The following RBL1 variants were observed in gnomAD, a reference collection of about 807,000 sequenced individuals.
RBL1 encodes the protein retinoblastoma-like protein 1.
RBL1 carries 82 observed loss-of-function variants against 123.0 expected under a neutral mutation model. The observed-to-expected ratio is 0.67, with a 90% CI of 0.56 to 0.80. The LOEUF (loss-of-function observed/expected upper bound fraction) is 0.80, where lower values mean the gene tolerates loss of function less well. RBL1 is among the 30% of genes least tolerant of loss of function. The probability of loss-of-function intolerance (pLI) is 0.00; values close to 1 mark genes in which losing one functional copy is unlikely to be tolerated. For synonymous variants in RBL1, 405 were observed against 441.3 expected (o/e 0.92, Z 1.03); for missense variants, 1,171 against 1,299.6 (o/e 0.90, Z 1.52).
At chr20:37,018,989 C>T (rs762258034) in intron 18 of RBL1, among the ~76,000 whole-genome samples, 6 of 152,036 alleles carry the variant, frequency 3.9e-5, no homozygotes, top group Non-Finnish European at 7.4e-5. Flanking sequence ...AAACAAAAGA[C>T]CTGAATTAAT....
At chr20:37,014,921 G>C (rs2064225456) in intron 19 of RBL1, among the ~76,000 whole-genome samples, 1 of 151,878 alleles carries the variant, frequency 6.6e-6, no homozygotes. Flanking sequence ...AAATTAGCTG[G>C]GCCTGGTGGC....
At chr20:37,004,795 AG>A (rs1291326743) in intron 20 of RBL1, among the ~76,000 whole-genome samples, 3 of 151,334 alleles carry the variant, frequency 2.0e-5, no homozygotes, top group African/African-American at 7.3e-5. Context: ...TGGGAGGCCA[AG>A]GTGCTCGGAT....
At chr20:37,054,118 G>A (rs114078914) in intron 11 of RBL1, among the ~76,000 whole-genome samples, 1 of 152,152 alleles carries the variant, frequency 6.6e-6, no homozygotes, top group African/African-American at 2.4e-5. Context: ...AACCATTAGG[G>A]AAACTGGATA....
At chr20:37,069,682 C>CT (rs1353691773) in intron 2 of RBL1, among the ~76,000 whole-genome samples, 3 of 151,492 alleles carry the variant, frequency 2.0e-5, no homozygotes, top group Non-Finnish European at 4.4e-5. Flanking sequence ...CTCCGCCCGA[C>CT]AGCCACCCAG....
chr20:37,061,472 C>A (rs893757525), intron 8 of RBL1, among the ~76,000 whole-genome samples: 3 of 151,936 alleles, frequency 2.0e-5, no homozygotes, highest in African/African-American at 7.3e-5. Context: ...ATCTTCACAC[C>A]ACTGATTTGA....
At chr20:37,034,772 A>T (rs1201716539) in intron 15 of RBL1, among the ~76,000 whole-genome samples, 2 of 152,136 alleles carry the variant, frequency 1.3e-5, no homozygotes, top group Non-Finnish European at 2.9e-5. Flanking sequence ...AATAAAAAAA[A>T]AACCACTATA....
intron 19 of RBL1, among the ~76,000 whole-genome samples, chr20:37,012,439 C>CA (rs1390696853): frequency 1.4e-4 from 22 of 151,956 alleles, no homozygotes; most frequent in African/African-American, 4.8e-5. Context: ...TCCCGGCCGC[C>CA]ATCCCATCTA....
At chr20:37,087,324 A>G (rs2065564686) in intron 2 of RBL1, among the ~76,000 whole-genome samples, 1 of 150,706 alleles carries the variant, frequency 6.6e-6, no homozygotes, top group African/African-American at 2.4e-5. Context: ...ACAGAGTGAG[A>G]CTCTGTCCCA....
intron 16 of RBL1, among the ~76,000 whole-genome samples, chr20:37,031,320 C>A (rs1371526925): frequency 1.3e-5 from 2 of 151,916 alleles, no homozygotes; most frequent in Non-Finnish European, 2.9e-5. Flanking sequence ...ATCTAGAATA[C>A]ATAAAGAACT....
intron 1 of RBL1, among the ~76,000 whole-genome samples, chr20:37,089,658 T>TCA (rs1452978284): frequency 2.0e-5 from 3 of 147,864 alleles, no homozygotes; most frequent in African/African-American, 7.7e-5. Flanking sequence ...ATCCTGTCTC[T>TCA]TAAAAAAAAA....
At chr20:37,027,284 A>G (rs955884291) in intron 16 of RBL1, among the ~76,000 whole-genome samples, 17 of 152,180 alleles carry the variant, frequency 1.1e-4, no homozygotes, top group Admixed American at 2.0e-4. Flanking sequence ...GACTGCAGTG[A>G]GACATGATCG....
At chr20:37,076,896 C>A (rs1019157486) in intron 2 of RBL1, among the ~76,000 whole-genome samples, 1 of 151,974 alleles carries the variant, frequency 6.6e-6, no homozygotes, top group African/African-American at 2.4e-5. Flanking sequence ...GTCCTTTATA[C>A]CCTTTACCAA....
intron 18 of RBL1, among the ~76,000 whole-genome samples, chr20:37,018,743 G>C (rs1021085363): frequency 6.6e-6 from 1 of 152,162 alleles, no homozygotes; most frequent in Non-Finnish European, 1.5e-5. Flanking sequence ...CTTGAGGCCA[G>C]GCGTTCAAGA....
At chr20:37,083,759 C>A (rs1056047497) in intron 2 of RBL1, among the ~76,000 whole-genome samples, 1 of 149,098 alleles carries the variant, frequency 6.7e-6, no homozygotes, top group Non-Finnish European at 1.5e-5. Context: ...GAGCAGAGAC[C>A]GTGCATTGCA....
chr20:37,057,648 G>A (rs1388503415), intron 9 of RBL1, among the ~76,000 whole-genome samples: 1 of 152,044 alleles, frequency 6.6e-6, no homozygotes, highest in Non-Finnish European at 1.5e-5. Flanking sequence ...CCATTCTATA[G>A]GTTGTTTTTT....
At chr20:37,066,028 A>G (rs908265421) in intron 6 of RBL1, among the ~76,000 whole-genome samples, 2 of 152,232 alleles carry the variant, frequency 1.3e-5, no homozygotes, top group Non-Finnish European at 2.9e-5. Context: ...TGTATAAAAG[A>G]AGAAGAAACC....
intron 10 of RBL1, 128 bp downstream of exon 10, chr20:37,056,018 G>T: frequency 7.0e-7 from 1 of 1,431,026 alleles, no homozygotes; most frequent in Non-Finnish European, 9.2e-7. Context: ...TTGCACTCCA[G>T]CCTGGGCAAC....
Position 37,067,129 on chromosome 20 carries a change from A to G in RBL1, c.557-8T>C. 6.4e-7 allele frequency: 1 copy of G among 1,565,540 alleles called. No individual in the cohort carries two copies. Among genetic ancestry groups the G allele is most frequent in the Non-Finnish European group, 8.6e-7 (1 of 1,163,602 alleles). On this transcript the variant is annotated splice_region_variant and splice_polypyrimidine_tract_variant and intron_variant, in intron 4 of 21. Coordinates refer to ENST00000373664, the MANE Select transcript of RBL1 (RefSeq NM_002895.5). ...CAATCATCCGAAAATTACCTTTATA[A>G]GGGAAAAAAAAAAAAAAAAGACACA...
chr20:37,059,903 T>G (rs2065066687), intron 9 of RBL1, among the ~76,000 whole-genome samples: 1 of 151,286 alleles, frequency 6.6e-6, no homozygotes. Context: ...CTGGGCGCGG[T>G]GGCTCACGTC....
Sources: allele counts gnomAD v4.1 joint callset (sites outside exome capture counted in the v4.1 genomes callset), GRCh38; gene constraint gnomAD v4.1.1; transcripts MANE v1.5; gene names NCBI Gene and HGNC (gene_info 2026-07-23, HGNC 2026-07-21).